The following RIMS4 variants were observed in gnomAD, a reference collection of about 807,000 sequenced individuals.
RIMS4 encodes regulating synaptic membrane exocytosis protein 4.
In RIMS4, 9 loss-of-function variants were observed where a neutral mutation model predicts 29.0. The ratio of observed to expected loss-of-function variants is 0.31; its 90% confidence interval spans 0.19 to 0.54. The LOEUF (loss-of-function observed/expected upper bound fraction) is 0.54, where lower values mean the gene tolerates loss of function less well. RIMS4 is among the 20% of genes least tolerant of loss of function. The pLI is 0.94. For missense variants in RIMS4, 193 were observed against 365.7 expected (o/e 0.53, Z 3.85); for synonymous variants, 130 against 152.9 (o/e 0.85, Z 1.10).
chr20:44,773,539 TGCAG>T (rs2066146227), intron 1 of RIMS4, among the ~76,000 whole-genome samples: 1 of 151,192 alleles, frequency 6.6e-6, no homozygotes, highest in Non-Finnish European at 1.5e-5. Context: ...CTGGGCACCC[TGCAG>T]GCAGGCAGCA....
At chr20:44,758,674 C>A (rs575036670) in intron 2 of RIMS4, among the ~76,000 whole-genome samples, 2 of 152,206 alleles carry the variant, frequency 1.3e-5, no homozygotes, top group Non-Finnish European at 2.9e-5. Context: ...GACTGGGCCT[C>A]CAGCTCAGCC....
intron 1 of RIMS4, among the ~76,000 whole-genome samples, chr20:44,798,143 A>C (rs145937988): frequency 1.3e-5 from 2 of 152,348 alleles, no homozygotes; most frequent in East Asian, 3.9e-4. Context: ...TTTGTCAGAC[A>C]CAAAAGACTT....
chr20:44,795,738 GC>G (rs1479441412), intron 1 of RIMS4, among the ~76,000 whole-genome samples: 1 of 152,122 alleles, frequency 6.6e-6, no homozygotes, highest in African/African-American at 2.4e-5. Context: ...TGCCATGTGA[GC>G]CATGGTAATT....
chr20:44,803,330 C>G (rs186994717), intron 1 of RIMS4, among the ~76,000 whole-genome samples: 1 of 152,184 alleles, frequency 6.6e-6, no homozygotes, highest in Admixed American at 6.5e-5. Context: ...CAAGCCACTT[C>G]GCCTCTTTGA....
chr20:44,759,528 G>A (rs1167112482), intron 2 of RIMS4, among the ~76,000 whole-genome samples: 1 of 152,140 alleles, frequency 6.6e-6, no homozygotes, highest in East Asian at 1.9e-4. Flanking sequence ...CAAAGTGCTG[G>A]GATTACAGGG....
intron 1 of RIMS4, among the ~76,000 whole-genome samples, chr20:44,794,653 G>C (rs760260737): frequency 6.6e-5 from 10 of 152,186 alleles, no homozygotes; most frequent in Non-Finnish European, 1.3e-4. Context: ...GTCTCCAGGA[G>C]AGTAATTTGT....
At chr20:44,765,905 T>C (rs1056463113) in intron 2 of RIMS4, among the ~76,000 whole-genome samples, 1 of 152,216 alleles carries the variant, frequency 6.6e-6, no homozygotes, top group African/African-American at 2.4e-5. Context: ...TTCTGTGTGC[T>C]GAAGGGGCGG....
intron 1 of RIMS4, among the ~76,000 whole-genome samples, chr20:44,773,292 T>C (rs770509053): frequency 3.3e-5 from 5 of 152,126 alleles, no homozygotes; most frequent in African/African-American, 4.8e-5. Context: ...GTTCTTTCCC[T>C]AGCTTGCATC....
intron 1 of RIMS4, among the ~76,000 whole-genome samples, chr20:44,799,113 C>T (rs6031801): frequency 6.6e-6 from 1 of 151,854 alleles, no homozygotes; most frequent in Non-Finnish European, 1.5e-5. Flanking sequence ...GACCAGCCTG[C>T]CCAATATGGT....
At chr20:44,796,671 A>C (rs1429289079) in intron 1 of RIMS4, among the ~76,000 whole-genome samples, 1 of 152,196 alleles carries the variant, frequency 6.6e-6, no homozygotes, top group African/African-American at 2.4e-5. Flanking sequence ...TGCTTCCTGG[A>C]GGAGGTGACC....
At chr20:44,791,532 G>A (rs1239158748) in intron 1 of RIMS4, among the ~76,000 whole-genome samples, 1 of 152,202 alleles carries the variant, frequency 6.6e-6, no homozygotes, top group East Asian at 1.9e-4. Flanking sequence ...CTCAGGAAAT[G>A]CCAGCTAGTA....
intron 1 of RIMS4, among the ~76,000 whole-genome samples, chr20:44,807,527 C>T (rs1365767384): frequency 6.6e-6 from 1 of 152,118 alleles, no homozygotes; most frequent in African/African-American, 2.4e-5. Flanking sequence ...GTCAGGGACA[C>T]ACTTCTGAGA....
rs772924253 is a variant in RIMS4 at position 44,757,740 on chromosome 20, G to A, written c.381C>T (p.Asn127=). 2.5e-5 allele frequency: 40 copies of A among 1,613,914 alleles called. No homozygotes were observed. Among genetic ancestry groups the A allele is most frequent in the African/African-American group, 4.0e-5 (3 of 74,884 alleles). ...GGATAATGTCCACCTCCAACTGACC[G>A]TTCCGCTCCTGCAGACCGATCTCCA... is the stretch of plus-strand genomic sequence containing the variant. ...GDVEIGLQER[N]GQLEVDIIQA... is the part of the protein sequence containing the mutation. Residue 127 remains asparagine, a synonymous_variant, in exon 4 of 6, where the codon AAC becomes AAT. Transcript: ENST00000372851.
chr20:44,771,408 T>C lies in RIMS4; in HGVS notation c.103A>G (p.Ser35Gly). Residue 35 changes from serine to glycine, a missense_variant, in exon 2 of 6, where the codon AGC becomes GGC. Transcript: ENST00000372851. ...TGGATGGCCCCCTTCAGCCTCCGGC[T>C]GTCCCCTTCTGGGCAAAGCGGCCAA... ...NSFDDEDAGDSRRLKGAIQRS... is the reference protein window; with the variant it reads ...NSFDDEDAGDGRRLKGAIQRS... The C allele has an allele frequency of 1.2e-6, 2 of 1,611,254 alleles. No homozygotes were observed. Among genetic ancestry groups the C allele is most frequent in the South Asian group, 2.2e-5 (2 of 90,972 alleles).
At chr20:44,782,431 AT>A (rs11326949) in intron 1 of RIMS4, among the ~76,000 whole-genome samples, 69,663 of 150,708 alleles carry the variant, frequency 0.46, 17,835 homozygotes, top group African/African-American at 0.69. Flanking sequence ...TGCCTGGCTA[AT>A]TTTTTTTTTC....
chr20:44,759,444 A>G (rs920876964), intron 2 of RIMS4, among the ~76,000 whole-genome samples: 1 of 152,036 alleles, frequency 6.6e-6, no homozygotes, highest in African/African-American at 2.4e-5. Flanking sequence ...TTTTTAGTAG[A>G]GACAGAGTTT....
intron 2 of RIMS4, 64 bp downstream of exon 2, chr20:44,771,211 G>A: frequency 6.4e-7 from 1 of 1,553,912 alleles, no homozygotes; most frequent in Non-Finnish European, 8.8e-7. Flanking sequence ...GGGTTGCTCA[G>A]TCCCTCCCGT....
intron 1 of RIMS4, among the ~76,000 whole-genome samples, chr20:44,779,226 C>T (rs1207343545): frequency 2.6e-5 from 4 of 152,200 alleles, no homozygotes; most frequent in South Asian, 2.1e-4. Flanking sequence ...GAGAAAGGTG[C>T]TTTTTAAGAC....
At chr20:44,778,357 G>A (rs901200893) in intron 1 of RIMS4, among the ~76,000 whole-genome samples, 1 of 152,194 alleles carries the variant, frequency 6.6e-6, no homozygotes, top group Non-Finnish European at 1.5e-5. Flanking sequence ...GCCCAAAGAG[G>A]GGCAGGAGTT....
Sources: allele counts gnomAD v4.1 joint callset (sites outside exome capture counted in the v4.1 genomes callset), GRCh38; gene constraint gnomAD v4.1.1; transcripts MANE v1.5; gene names NCBI Gene and HGNC (gene_info 2026-07-23, HGNC 2026-07-21).